The following CHN1 variants were observed in gnomAD, a reference collection of about 807,000 sequenced individuals.
CHN1 encodes the protein chimerin 1, also known as N-chimaerin.
In CHN1, 37 loss-of-function variants were observed where a neutral mutation model predicts 59.5. The observed-to-expected ratio is 0.62, with a 90% CI of 0.48 to 0.82. The LOEUF (loss-of-function observed/expected upper bound fraction) is 0.82. CHN1 is among the 40% of genes least tolerant of loss of function. The pLI is 0.00. For missense variants in CHN1, 469 were observed against 571.0 expected, an observed-to-expected ratio of 0.82 and a Z score of 1.82; for synonymous variants, 206 against 200.4, an observed-to-expected ratio of 1.03 and a Z score of -0.24.
chr2:174,984,101 G>GA (rs1332829206), intron 1 of CHN1, among the ~76,000 whole-genome samples: 1 of 151,224 alleles, frequency 6.6e-6, no homozygotes, highest in East Asian at 1.9e-4. Flanking sequence ...TTTAATTCTG[G>GA]AAAAAAATAA....
intron 6 of CHN1, among the ~76,000 whole-genome samples, chr2:174,852,120 TAA>T (rs56171864): frequency 8.1e-5 from 12 of 148,168 alleles, no homozygotes; most frequent in East Asian, 2.0e-4. Context: ...TTTCCTCTAT[TAA>T]AAAAAAAAAT....
chr2:174,813,688 C>A (rs1291683953), intron 8 of CHN1, among the ~76,000 whole-genome samples: 1 of 152,088 alleles, frequency 6.6e-6, no homozygotes, highest in Non-Finnish European at 1.5e-5. Context: ...AAAAAAATAA[C>A]CCATTTGTTT....
chr2:174,997,993 G>A (rs1334535906), intron 1 of CHN1, among the ~76,000 whole-genome samples: 3 of 123,502 alleles, frequency 2.4e-5, no homozygotes, highest in African/African-American at 9.6e-5. Context: ...TCTCGGGGGC[G>A]CAAAAAAAAA....
intron 8 of CHN1, among the ~76,000 whole-genome samples, chr2:174,823,490 C>A (rs1465032379): frequency 6.6e-6 from 1 of 151,922 alleles, no homozygotes; most frequent in Non-Finnish European, 1.5e-5. Context: ...GGTGAAACCC[C>A]GTCTCTACTA....
At chr2:174,991,214 G>A (rs1336597308) in intron 1 of CHN1, among the ~76,000 whole-genome samples, 2 of 152,112 alleles carry the variant, frequency 1.3e-5, no homozygotes, top group Admixed American at 6.5e-5. Flanking sequence ...GGTCTGAAAG[G>A]GAGACCTGAA....
At chr2:174,868,292 C>G (rs1167792311) in intron 6 of CHN1, among the ~76,000 whole-genome samples, 1 of 152,090 alleles carries the variant, frequency 6.6e-6, no homozygotes, top group Non-Finnish European at 1.5e-5. Flanking sequence ...TGAAATATTT[C>G]TACAATTTTC....
intron 1 of CHN1, among the ~76,000 whole-genome samples, chr2:174,997,923 G>A (rs1691761769): frequency 6.7e-6 from 1 of 150,036 alleles, no homozygotes; most frequent in South Asian, 2.1e-4. Context: ...GGAGGCAGAG[G>A]TTGCAGTGAG....
intron 7 of CHN1, 126 bp downstream of exon 7, chr2:174,846,754 C>T (rs760361198): frequency 5.8e-5 from 58 of 1,003,572 alleles, no homozygotes; most frequent in Non-Finnish European, 8.2e-5. Context: ...AAACATCTCA[C>T]TCCTTAAATA....
At position 174,800,218 on chromosome 2, in the gene CHN1, AAGGGTGGGTCCAAAGACG is replaced by A; in HGVS notation, c.1260_1277del (p.Val421_Leu426del). The A allele has an allele frequency of 6.6e-7, 1 of 1,513,176 alleles. No individual in the cohort carries two copies. Among genetic ancestry groups the A allele is most frequent in the Non-Finnish European group, 8.8e-7 (1 of 1,134,792 alleles). 93.7% of individuals were successfully genotyped at this position (1,513,176 alleles called of 1,614,324 possible). ...TGGCGTCTAGTTCTGGAGATCTCAT[AAGGGTGGGTCCAAAGACG>A]ATTCCAAGGTTCTCTGCATTCATAA... is the stretch of plus-strand genomic sequence containing the variant. On this transcript the variant is annotated inframe_deletion, in exon 13 of 13. Transcript: ENST00000409900.
intron 1 of CHN1, among the ~76,000 whole-genome samples, chr2:174,975,939 G>C (rs889315801): frequency 1.3e-5 from 2 of 148,924 alleles, no homozygotes; most frequent in Non-Finnish European, 3.0e-5. Flanking sequence ...GGCTAACATG[G>C]TGAAACCCCG....
At chr2:174,941,026 T>C (rs1050860281) in intron 3 of CHN1, among the ~76,000 whole-genome samples, 4 of 152,214 alleles carry the variant, frequency 2.6e-5, no homozygotes, top group Non-Finnish European at 5.9e-5. Context: ...AGTGAGTTTT[T>C]TTTAATTTTA....
chr2:174,938,665 T>C (rs1423051704), intron 3 of CHN1, among the ~76,000 whole-genome samples: 1 of 152,194 alleles, frequency 6.6e-6, no homozygotes, highest in African/African-American at 2.4e-5. Flanking sequence ...ATTTAATCCT[T>C]ATTAAACAGT....
chr2:174,908,710 G>T (rs577524269), intron 5 of CHN1, among the ~76,000 whole-genome samples: 1 of 152,124 alleles, frequency 6.6e-6, no homozygotes, highest in African/African-American at 2.4e-5. Context: ...TATCTGGCAC[G>T]ATATAGAAGC....
intron 5 of CHN1, among the ~76,000 whole-genome samples, chr2:174,895,215 C>CAA (rs577610982): frequency 7.7e-6 from 1 of 129,764 alleles, no homozygotes. Flanking sequence ...TATATATATA[C>CAA]ACACACACAC....
intron 3 of CHN1, among the ~76,000 whole-genome samples, chr2:174,927,981 T>C (rs756789751): frequency 1.6e-4 from 24 of 152,214 alleles, no homozygotes; most frequent in Non-Finnish European, 3.1e-4. Flanking sequence ...ATAAGTATTC[T>C]CAACTGAAGA....
intron 3 of CHN1, among the ~76,000 whole-genome samples, chr2:174,942,952 G>A (rs977114808): frequency 1.3e-5 from 2 of 151,996 alleles, no homozygotes; most frequent in African/African-American, 4.8e-5. Flanking sequence ...TTGGGAGGCA[G>A]AGGTAGGAGT....
intron 2 of CHN1, 112 bp from the exon 3 acceptor site, chr2:174,945,055 T>C: frequency 1.4e-6 from 1 of 714,420 alleles, no homozygotes; most frequent in Non-Finnish European, 2.4e-6. Context: ...TGGTATAACC[T>C]TATTTACTAA....
At chr2:174,880,303 A>C (rs1232408826) in intron 5 of CHN1, among the ~76,000 whole-genome samples, 1 of 152,212 alleles carries the variant, frequency 6.6e-6, no homozygotes, top group African/African-American at 2.4e-5. Context: ...TTAAAGAAAA[A>C]CTGCATTATA....
chr2:174,800,038 CA>C lies in CHN1; in HGVS notation c.*77del. 1 of 1,310,336 alleles carries C rather than the reference CA, an allele frequency of 7.6e-7. No homozygotes were observed. The highest frequency in any genetic ancestry group is 1.1e-6 in the Non-Finnish European group (1 of 935,554). 81.2% of individuals were successfully genotyped at this position (1,310,336 alleles called of 1,614,324 possible). ...CCAAACCTCTAATCAAGAAATAATG[CA>C]GCTACAGGAGCAAATTAAATTACTA... On this transcript the variant is annotated 3_prime_UTR_variant, in exon 13 of 13. Transcript: ENST00000409900.
Sources: gnomAD v4.1 joint callset for allele counts (sites outside exome capture counted in the v4.1 genomes callset) on GRCh38, gnomAD v4.1.1 for gene constraint, MANE v1.5 for transcripts, NCBI Gene and HGNC (gene_info 2026-07-23, HGNC 2026-07-21) for gene names.